The following DNAJC8 variants were observed in gnomAD, a reference collection of about 807,000 sequenced individuals.
DNAJC8 encodes the protein DnaJ heat shock protein family (Hsp40) member C8, also known as dnaJ homolog subfamily C member 8.
Under a neutral mutation model 43.2 loss-of-function variants are expected in DNAJC8, and 24 were observed. The ratio of observed to expected loss-of-function variants is 0.56; its 90% CI spans 0.40 to 0.78. The LOEUF (loss-of-function observed/expected upper bound fraction) is 0.78, where lower values mean the gene tolerates loss of function less well. Among genes scored for constraint, DNAJC8 ranks in the 30% least tolerant of loss-of-function variants. The pLI is 0.00. For missense variants in DNAJC8, 207 were observed against 299.4 expected (o/e 0.69, Z 2.28); for synonymous variants, 83 against 98.0 (o/e 0.85, Z 0.90).
chr1:28,205,184 G>T, intron 7 of DNAJC8, 74 bp downstream of exon 7: 1 of 1,173,614 alleles, frequency 8.5e-7, no homozygotes, highest in Non-Finnish European at 1.2e-6. Flanking sequence ...TCCCTCATTA[G>T]GAAAATCACC....
In DNAJC8 at chr1:28,227,092, T is replaced by C. The variant is rs905670322; in HGVS notation, c.180+1830A>G. 7.1e-5 allele frequency among the ~76,000 whole-genome samples: 10 copies of C among 141,412 alleles called. 1 individual carries two copies. The South Asian group carries it at 8.7e-4, about 12-fold the overall frequency. The allele number at this position is 141,412 out of a possible 152,430, so 92.8% of individuals were successfully genotyped here. On this transcript the variant is annotated intron_variant, in intron 2 of 8. Coordinates refer to ENST00000263697, the MANE Select transcript of DNAJC8 (RefSeq NM_014280.3). ...AGCATTGCAAAAAAAAAAAAAGAAT[T>C]TCTCTCTCTCTCTTTTTTTTTTTTT...
chr1:28,229,068 C>A (rs3753863), intron 1 of DNAJC8, 45 bp from the exon 2 acceptor site: 351,645 of 1,484,204 alleles, frequency 0.24, 43,042 homozygotes, highest in Non-Finnish European at 0.25. Context: ...AATTCAATAA[C>A]AAACTGAATT....
At chr1:28,227,006 G>A (rs144552787) in intron 2 of DNAJC8, among the ~76,000 whole-genome samples, 4 of 140,022 alleles carry the variant, frequency 2.9e-5, no homozygotes, top group African/African-American at 8.1e-5. Context: ...ATGTTAGTCT[G>A]TACTGAGTTC....
intron 8 of DNAJC8, among the ~76,000 whole-genome samples, chr1:28,202,847 G>A (rs1646746553): frequency 6.6e-6 from 1 of 152,160 alleles, no homozygotes; most frequent in Non-Finnish European, 1.5e-5. Context: ...CTCCCAAAGT[G>A]CTGGGATTAC....
chr1:28,209,271 A>G, intron 5 of DNAJC8, among the ~76,000 whole-genome samples: 1 of 152,158 alleles, frequency 6.6e-6, no homozygotes, highest in Non-Finnish European at 1.5e-5. Context: ...TATTATGGTT[A>G]TAAAGTTGTC....
At chr1:28,232,275 C>CTT (rs1436966837) in intron 1 of DNAJC8, among the ~76,000 whole-genome samples, 2 of 152,150 alleles carry the variant, frequency 1.3e-5, no homozygotes, top group Non-Finnish European at 1.5e-5. Context: ...AAACGGCATG[C>CTT]TTTTATTTCA....
chr1:28,223,361 A>G (rs1220813664), intron 2 of DNAJC8, among the ~76,000 whole-genome samples: 1 of 152,184 alleles, frequency 6.6e-6, no homozygotes, highest in Non-Finnish European at 1.5e-5. Flanking sequence ...GGCCCCCAGC[A>G]GGAAGAGAGC....
intron 5 of DNAJC8, among the ~76,000 whole-genome samples, chr1:28,209,325 T>C (rs1051586001): frequency 2.0e-5 from 3 of 152,198 alleles, no homozygotes; most frequent in African/African-American, 7.2e-5. Flanking sequence ...CCAATCACAA[T>C]TGAAGCAGCT....
intron 2 of DNAJC8, among the ~76,000 whole-genome samples, chr1:28,218,426 T>C (rs1035685585): frequency 5.3e-5 from 8 of 151,814 alleles, no homozygotes; most frequent in African/African-American, 1.9e-4. Context: ...AAATAATTTT[T>C]TTTTTTTTGA....
chr1:28,211,249 G>A (rs1397894488), intron 3 of DNAJC8, among the ~76,000 whole-genome samples: 1 of 152,140 alleles, frequency 6.6e-6, no homozygotes, highest in Non-Finnish European at 1.5e-5. Flanking sequence ...GAGGGAGACT[G>A]AAAGGTATCA....
intron 8 of DNAJC8, 105 bp from the exon 9 acceptor site, chr1:28,201,475 C>A: frequency 6.5e-7 from 1 of 1,529,844 alleles, no homozygotes. Context: ...CCACTTCAGT[C>A]CTCTGGAATA....
At chr1:28,216,888 C>A (rs534047402) in intron 2 of DNAJC8, among the ~76,000 whole-genome samples, 7 of 149,920 alleles carry the variant, frequency 4.7e-5, no homozygotes, top group Admixed American at 2.0e-4. Context: ...GGCTCACTGC[C>A]ACCTCCGCCT....
intron 3 of DNAJC8, among the ~76,000 whole-genome samples, chr1:28,214,400 G>A (rs1290164224): frequency 1.3e-5 from 2 of 152,080 alleles, no homozygotes; most frequent in Non-Finnish European, 2.9e-5. Context: ...CGGGTGTGGT[G>A]GCATGCACTT....
At chr1:28,231,081 A>T (rs1646970649) in intron 1 of DNAJC8, among the ~76,000 whole-genome samples, 1 of 152,220 alleles carries the variant, frequency 6.6e-6, no homozygotes, top group Admixed American at 6.5e-5. Context: ...TTTTAAAATT[A>T]ACTCTCTTGC....
chr1:28,217,404 T>C (rs1047657255), intron 2 of DNAJC8, among the ~76,000 whole-genome samples: 2 of 152,066 alleles, frequency 1.3e-5, no homozygotes, highest in Non-Finnish European at 2.9e-5. Context: ...GGAGATCACT[T>C]GAGGCTAGGA....
chr1:28,210,237 A>G (rs1646801698), intron 4 of DNAJC8, 171 bp from the exon 5 acceptor site: 1 of 630,172 alleles, frequency 1.6e-6, no homozygotes, highest in African/African-American at 1.8e-5. Flanking sequence ...GACTTTCCTT[A>G]AGAGCCTTGG....
chr1:28,215,061 G>T (rs1195877492), intron 2 of DNAJC8, 65 bp from the exon 3 acceptor site: 1 of 1,347,380 alleles, frequency 7.4e-7, no homozygotes, highest in Non-Finnish European at 1.0e-6. Context: ...TTTAAGAGTT[G>T]CTCAGTAATT....
In DNAJC8 at chr1:28,221,351, AAGAGAAAGAAAC is replaced by A. The variant is rs111371237; in HGVS notation, c.181-6367_181-6356del. The stretch of plus-strand genomic sequence containing the variant: ...GGAAACTCTGTCTCAAAAAGGGAAA[AAGAGAAAGAAAC>A]AAAGAAAGAAAGAACAGTCAGGGAG... On this transcript the variant is annotated intron_variant, in intron 2 of 8. Transcript: ENST00000263697. 5.9e-3 allele frequency among the ~76,000 whole-genome samples: 901 copies of A among 152,182 alleles called. 7 individuals carry two copies. Among genetic ancestry groups the A allele is most frequent in the African/African-American group, 0.019 (796 of 41,524 alleles).
intron 2 of DNAJC8, among the ~76,000 whole-genome samples, chr1:28,219,325 G>A (rs992777963): frequency 6.6e-5 from 10 of 152,052 alleles, no homozygotes; most frequent in African/African-American, 2.4e-4. Flanking sequence ...TGGCTAACAC[G>A]GTGAAACATC....
Sources: allele counts gnomAD v4.1 joint callset (sites outside exome capture counted in the v4.1 genomes callset), GRCh38; gene constraint gnomAD v4.1.1; transcripts MANE v1.5; gene names NCBI Gene and HGNC (gene_info 2026-07-23, HGNC 2026-07-21).